The following SH3BP1 variants were observed in gnomAD, a reference collection of about 807,000 sequenced individuals.
SH3BP1 encodes SH3 domain binding protein 1.
A neutral mutation model predicts 69.8 loss-of-function variants in SH3BP1; 46 were observed. The observed-to-expected ratio is 0.66, with a 90% CI of 0.52 to 0.84. The LOEUF (loss-of-function observed/expected upper bound fraction) is 0.84, where lower values mean the gene tolerates loss of function less well. SH3BP1 is among the 40% of genes least tolerant of loss of function. The probability of loss-of-function intolerance (pLI) is 0.00; values close to 1 mark genes in which losing one functional copy is unlikely to be tolerated. For synonymous variants in SH3BP1, 403 were observed against 378.0 expected, an observed-to-expected ratio of 1.07 and a Z score of -0.77; for missense variants, 868 against 930.9, an observed-to-expected ratio of 0.93 and a Z score of 0.88.
chr22:37,647,177 A>C, intron 11 of SH3BP1, 90 bp from the exon 12 acceptor site: 1 of 1,129,334 alleles, frequency 8.9e-7, no homozygotes, highest in South Asian at 1.3e-5. Flanking sequence ...TAGACACGTT[A>C]GTGTGAACAA....
intron 14 of SH3BP1, among the ~76,000 whole-genome samples, chr22:37,649,336 A>C (rs976693585): frequency 2.6e-5 from 4 of 151,974 alleles, no homozygotes; most frequent in African/African-American, 9.7e-5. Context: ...AAAAATTAAA[A>C]AGATTAGCCA....
intron 14 of SH3BP1, chr22:37,648,797 G>A (rs535183697): frequency 2.4e-4 from 47 of 194,444 alleles, no homozygotes; most frequent in African/African-American, 8.9e-4. Flanking sequence ...TCCGCCTCCC[G>A]GGTTCAAGCG....
Position 37,639,757 on chromosome 22 carries a change from G to C in SH3BP1, c.-31G>C. 1.4e-6 allele frequency: 2 copies of C among 1,391,842 alleles called. No individual in the cohort carries two copies. The highest frequency in any genetic ancestry group is 1.9e-6 in the Non-Finnish European group (2 of 1,039,556). 86.2% of individuals were successfully genotyped at this position (1,391,842 alleles called of 1,614,324 possible). On this transcript the variant is annotated 5_prime_UTR_variant, in exon 1 of 18. Transcript: ENST00000649765. ...GCTCCCCGGGCCCGCGACCCCCGCC[G>C]TGACCCCGCAGCCCCCAGCTCGCCC...
intron 16 of SH3BP1, 104 bp from the exon 17 acceptor site, chr22:37,653,675 G>A: frequency 1.3e-6 from 1 of 771,974 alleles, no homozygotes; most frequent in Non-Finnish European, 2.3e-6. Flanking sequence ...GAGAGCGAGT[G>A]CTGGGAGGAT....
Position 37,655,998 on chromosome 22 carries a change from T to G in SH3BP1, c.*314T>G. ...GGGACTGATTCTTCTCTTGCCGACATGTTTTTTGTAAGGCTGGTAAATAAA... is the reference window on the plus strand; with the variant it reads ...GGGACTGATTCTTCTCTTGCCGACAGGTTTTTTGTAAGGCTGGTAAATAAA... On this transcript the variant is annotated 3_prime_UTR_variant, in exon 18 of 18. Transcript: ENST00000649765. 1.4e-6 allele frequency: 2 copies of G among 1,473,928 alleles called. No individual in the cohort carries two copies. The highest frequency in any genetic ancestry group is 9.1e-7 in the Non-Finnish European group (1 of 1,101,176). The allele number at this position is 1,473,928 out of a possible 1,614,324, so 91.3% of individuals were successfully genotyped here.
In SH3BP1 at chr22:37,656,032, G is replaced by A; in HGVS notation, c.*348G>A. 7.1e-7 allele frequency: 1 copy of A among 1,405,926 alleles called. No individual in the cohort carries two copies. The highest frequency in any genetic ancestry group is 9.4e-7 in the Non-Finnish European group (1 of 1,058,636). The allele number at this position is 1,405,926 out of a possible 1,614,324, so 87.1% of individuals were successfully genotyped here. On this transcript the variant is annotated 3_prime_UTR_variant, in exon 18 of 18. Transcript: ENST00000649765. ...TAAGGCTGGTAAATAAATTATTTTG[G>A]ACAAAACTGGAGCAGCTGCCCAAAT...
chr22:37,644,066 G>A (rs959484633), intron 7 of SH3BP1, among the ~76,000 whole-genome samples: 1 of 152,212 alleles, frequency 6.6e-6, no homozygotes, highest in African/African-American at 2.4e-5. Flanking sequence ...ATGAAAGAAT[G>A]ACTGAATGGT....
In SH3BP1 at chr22:37,655,443, C is replaced by CG; in HGVS notation, c.1866dup (p.Leu623ValfsTer37). 2 of 1,312,332 alleles carry CG rather than the reference C, an allele frequency of 1.5e-6. No homozygotes were observed. Among genetic ancestry groups the CG allele is most frequent in the Non-Finnish European group, 2.1e-6 (2 of 961,978 alleles). 81.3% of individuals were successfully genotyped at this position (1,312,332 alleles called of 1,614,324 possible). ...CTCCGAGCCCCCACAGTGCCACCCC[C>CG]GTTACCCCCCACACCCCCTCAGCCT... On this transcript the variant is annotated frameshift_variant, in exon 18 of 18. Coordinates refer to ENST00000649765, the MANE Select transcript of SH3BP1 (RefSeq NM_018957.6). LOFTEE classifies it low-confidence loss of function (END_TRUNC).
intron 13 of SH3BP1, 30 bp from the exon 14 acceptor site, chr22:37,648,288 GC>G: frequency 1.3e-6 from 2 of 1,487,118 alleles, no homozygotes; most frequent in Admixed American, 1.9e-5. Flanking sequence ...GGTGCGTTCT[GC>G]CCCTGGCCTA....
Position 37,650,161 on chromosome 22 carries a change from C to T in SH3BP1, c.1326C>T (p.Ala442=). 6.2e-7 allele frequency: 1 copy of T among 1,614,074 alleles called. No individual in the cohort carries two copies. The highest frequency in any genetic ancestry group is 8.5e-7 in the Non-Finnish European group (1 of 1,180,032). Residue 442 remains alanine (A), a synonymous_variant, in exon 15 of 18, where the codon GCC becomes GCT. Transcript: ENST00000649765. ...CATCTCTTTGTCCCAGGGACCAGGCCCAGCTGGATGCAGCCTCCGTGTCTT... is the reference window on the plus strand; with the variant it reads ...CATCTCTTTGTCCCAGGGACCAGGCTCAGCTGGATGCAGCCTCCGTGTCTT... ...LWPPEKEGDQ[A]QLDAASVSSI... is the part of the protein sequence containing the mutation.
At chr22:37,648,502 T>C in intron 14 of SH3BP1, 67 bp downstream of exon 14, 1 of 1,130,854 alleles carries the variant, frequency 8.8e-7, no homozygotes, top group South Asian at 1.3e-5. Context: ...ATCTGTTGTC[T>C]ATTTTTCCCC....
intron 8 of SH3BP1, 29 bp downstream of exon 8, chr22:37,644,734 C>G: frequency 6.2e-7 from 1 of 1,613,278 alleles, no homozygotes; most frequent in Non-Finnish European, 8.5e-7. Flanking sequence ...CCCAGCCATC[C>G]AGAGTTCAGG....
At position 37,643,683 on chromosome 22, in the gene SH3BP1, C is replaced by T. The variant is rs1049593373; in HGVS notation, c.513C>T (p.Gly171=). The T allele has an allele frequency of 1.8e-5, 29 of 1,614,008 alleles. No individual in the cohort carries two copies. Among genetic ancestry groups the T allele is most frequent in the East Asian group, 2.2e-5 (1 of 44,902 alleles). Residue 171 remains glycine, a synonymous_variant, in exon 7 of 18, where the codon GGC becomes GGT. Coordinates refer to ENST00000649765, the MANE Select transcript of SH3BP1 (RefSeq NM_018957.6). ...QATKNSGSSQ[G]LGGSPGSHSH... ...CCAAGAATTCAGGCAGCAGTCAAGG[C>T]CTAGGAGGCAGCCCGGGTAGTCACA...
At chr22:37,645,560 G>T in intron 10 of SH3BP1, 50 bp downstream of exon 10, 1 of 1,557,320 alleles carries the variant, frequency 6.4e-7, no homozygotes, top group East Asian at 2.3e-5. Flanking sequence ...CCCTCATTCT[G>T]TCCCAAACCG....
At position 37,653,682 on chromosome 22, in the gene SH3BP1, G is replaced by T. The variant is rs1187667362; in HGVS notation, c.1599-97G>T. On this transcript the variant is annotated intron_variant, in intron 16 of 17. Transcript: ENST00000649765. ...GAGTGATAGAGAGCGAGTGCTGGGA[G>T]GATCCGGACTCCACCTGGCAGCTGG... The T allele has an allele frequency of 1.9e-5, 15 of 794,702 alleles. 1 individual carries two copies. The South Asian group carries it at 2.2e-4, about 12-fold the overall frequency. The allele number at this position is 794,702 out of a possible 1,614,324, so 49.2% of individuals were successfully genotyped here. A position where few individuals can be genotyped will look rare whatever the true frequency, so the allele number is the denominator to read the frequency against.
chr22:37,641,096 TCTCC>T, intron 1 of SH3BP1, 26 bp from the exon 2 acceptor site: 1 of 1,287,360 alleles, frequency 7.8e-7, no homozygotes, highest in Non-Finnish European at 1.1e-6. Flanking sequence ...GCAGAAGCAC[TCTCC>T]CCCCCCCCCC....
At chr22:37,640,778 C>T (rs1165030234) in intron 1 of SH3BP1, 2 of 347,350 alleles carry the variant, frequency 5.8e-6, no homozygotes, top group Non-Finnish European at 5.4e-6. Context: ...ACTCCTCATC[C>T]CGGGGTGGGC....
rs775063102 is a variant in SH3BP1, at chr22:37,641,401, C to T, written c.130C>T (p.Arg44Trp). Residue 44 changes from arginine (R) to tryptophan (W), a missense_variant, in exon 3 of 18, where the codon CGG becomes TGG. Physicochemically the swap from Arg to Trp is moderately radical, Grantham distance 101. Around this residue, in one of 3 missense-constraint regions of SH3BP1, gnomAD observed 387 missense variants for 447.9 expected, o/e 0.86. Coordinates refer to ENST00000649765, the MANE Select transcript of SH3BP1 (RefSeq NM_018957.6). Reference sequence around the variant, plus strand: ...AGAACAGCGGCTGGAGCCGGCCAAGCGGGCAGCCCACAACATCCACAAGCG... The same window carrying T: ...AGAACAGCGGCTGGAGCCGGCCAAGTGGGCAGCCCACAACATCCACAAGCG... ...QVEQRLEPAK[R>W]AAHNIHKRLQ... 5.2e-6 allele frequency: 8 copies of T among 1,550,786 alleles called. No individual in the cohort carries two copies. The highest frequency in any genetic ancestry group is 2.4e-5 in the East Asian group (1 of 40,958).
chr22:37,654,364 A>C (rs993908544), intron 17 of SH3BP1, among the ~76,000 whole-genome samples: 2 of 152,142 alleles, frequency 1.3e-5, no homozygotes, highest in Non-Finnish European at 2.9e-5. Context: ...TGAGGCCAGG[A>C]GTTCAAGACC....
Sources: gnomAD v4.1 joint callset for allele counts (sites outside exome capture counted in the v4.1 genomes callset) on GRCh38, gnomAD v4.1.1 for gene constraint, gnomAD v4.1.1 regional missense constraint, MANE v1.5 for transcripts, NCBI Gene and HGNC (gene_info 2026-07-23, HGNC 2026-07-21) for gene names.